Variants in KCNIP4 observed in about 807,000 individuals in gnomAD.
KCNIP4 encodes potassium voltage-gated channel interacting protein 4.
Under a neutral mutation model 34.0 loss-of-function variants are expected in KCNIP4, and 12 were observed. The ratio of observed to expected loss-of-function variants is 0.35; its 90% confidence interval spans 0.23 to 0.57. KCNIP4 has a LOEUF of 0.57. Among genes scored for constraint, KCNIP4 ranks in the 20% least tolerant of loss-of-function variants. The pLI is 0.83. For missense variants in KCNIP4, 238 were observed against 311.7 expected, an observed-to-expected ratio of 0.76 and a Z score of 1.78; for synonymous variants, 124 against 102.2, an observed-to-expected ratio of 1.21 and a Z score of -1.29.
At chr4:21,201,951 G>C (rs949029739) in intron 1 of KCNIP4, among the ~76,000 whole-genome samples, 3 of 152,080 alleles carry the variant, frequency 2.0e-5, no homozygotes, top group African/African-American at 7.2e-5. Flanking sequence ...TTATAAGGTA[G>C]GTAAAACTTT....
At chr4:21,121,548 T>G (rs1259351559) in intron 1 of KCNIP4, among the ~76,000 whole-genome samples, 1 of 152,230 alleles carries the variant, frequency 6.6e-6, no homozygotes, top group Non-Finnish European at 1.5e-5. Flanking sequence ...CAGCATCTTG[T>G]AATGAAGTCA....
chr4:21,907,074 C>T (rs1242909601), intron 1 of KCNIP4, among the ~76,000 whole-genome samples: 1 of 152,094 alleles, frequency 6.6e-6, no homozygotes, highest in South Asian at 2.1e-4. Flanking sequence ...AAGACTACTG[C>T]TATACTTTGA....
intron 1 of KCNIP4, among the ~76,000 whole-genome samples, chr4:21,025,657 C>T (rs928363253): frequency 1.4e-5 from 2 of 145,464 alleles, no homozygotes; most frequent in African/African-American, 5.1e-5. Context: ...GGGTTCACGC[C>T]ATTCTCCTGC....
At chr4:21,785,619 T>TAAAAA (rs1302125392) in intron 1 of KCNIP4, among the ~76,000 whole-genome samples, 1 of 122,468 alleles carries the variant, frequency 8.2e-6, no homozygotes, top group African/African-American at 4.6e-5. Context: ...ATAAATAAAA[T>TAAAAA]AAAAAAATAA....
intron 1 of KCNIP4, among the ~76,000 whole-genome samples, chr4:21,002,590 G>A (rs1738236575): frequency 6.6e-6 from 1 of 152,194 alleles, no homozygotes; most frequent in Non-Finnish European, 1.5e-5. Context: ...CAGCAATGCT[G>A]TTCGAAGTGT....
At chr4:21,604,932 T>G (rs1207037308) in intron 1 of KCNIP4, among the ~76,000 whole-genome samples, 6 of 152,182 alleles carry the variant, frequency 3.9e-5, no homozygotes, top group African/African-American at 7.2e-5. Flanking sequence ...GGTTTCCAAA[T>G]GTATTAGGAC....
intron 1 of KCNIP4, among the ~76,000 whole-genome samples, chr4:21,743,668 C>T (rs1293153529): frequency 6.6e-6 from 1 of 150,958 alleles, no homozygotes; most frequent in Admixed American, 6.6e-5. Flanking sequence ...GAGATGCATA[C>T]TTTCTCTTTT....
intron 1 of KCNIP4, among the ~76,000 whole-genome samples, chr4:21,551,693 A>T (rs536753100): frequency 1.0e-3 from 155 of 152,224 alleles, no homozygotes; most frequent in East Asian, 1.7e-3. Context: ...AGGATTAAAT[A>T]GCACATGTGA....
intron 1 of KCNIP4, among the ~76,000 whole-genome samples, chr4:21,861,182 A>G (rs958311224): frequency 6.6e-6 from 1 of 152,240 alleles, no homozygotes; most frequent in Non-Finnish European, 1.5e-5. Flanking sequence ...CAAATATTAC[A>G]AAGTATAACT....
intron 1 of KCNIP4, among the ~76,000 whole-genome samples, chr4:21,311,433 G>A (rs1713156667): frequency 6.6e-6 from 1 of 152,182 alleles, no homozygotes; most frequent in South Asian, 2.1e-4. Flanking sequence ...GAAACCACCT[G>A]TTATCCCAGC....
intron 1 of KCNIP4, among the ~76,000 whole-genome samples, chr4:21,857,302 G>A (rs549336708): frequency 6.6e-6 from 1 of 152,228 alleles, no homozygotes; most frequent in East Asian, 1.9e-4. Flanking sequence ...TCTCCTCTCT[G>A]CTGAGAACTA....
intron 1 of KCNIP4, among the ~76,000 whole-genome samples, chr4:21,713,155 C>G (rs1489496691): frequency 2.0e-5 from 3 of 152,070 alleles, no homozygotes; most frequent in Admixed American, 6.5e-5. Flanking sequence ...CCTAATGGAC[C>G]CACCCAATAA....
chr4:21,583,316 T>C (rs1445376032), intron 1 of KCNIP4, among the ~76,000 whole-genome samples: 1 of 151,906 alleles, frequency 6.6e-6, no homozygotes, highest in Non-Finnish European at 1.5e-5. Flanking sequence ...TTTGTGGATT[T>C]AGGAAGTTAT....
intron 1 of KCNIP4, among the ~76,000 whole-genome samples, chr4:21,688,730 T>C (rs1751005995): frequency 6.6e-6 from 1 of 152,056 alleles, no homozygotes; most frequent in South Asian, 2.1e-4. Flanking sequence ...GCTTGGCCAG[T>C]GGTTTCTGCA....
intron 1 of KCNIP4, among the ~76,000 whole-genome samples, chr4:21,073,997 A>G (rs1303834376): frequency 5.3e-5 from 8 of 152,192 alleles, no homozygotes; most frequent in Admixed American, 5.2e-4. Flanking sequence ...CCAGTTGATC[A>G]TGGTGGATAA....
intron 1 of KCNIP4, among the ~76,000 whole-genome samples, chr4:21,685,022 G>A (rs1428712989): frequency 7.9e-5 from 12 of 152,138 alleles, no homozygotes. Context: ...ACATTTTTGG[G>A]TAGGAAATAT....
intron 1 of KCNIP4, among the ~76,000 whole-genome samples, chr4:21,642,614 C>A (rs1577741560): frequency 6.6e-6 from 1 of 152,180 alleles, no homozygotes; most frequent in Middle Eastern, 3.4e-3. Context: ...CTTCCTGCTC[C>A]CATGACCTTA....
intron 1 of KCNIP4, among the ~76,000 whole-genome samples, chr4:21,075,845 A>C (rs755591878): frequency 2.0e-5 from 3 of 152,124 alleles, no homozygotes; most frequent in Non-Finnish European, 4.4e-5. Flanking sequence ...TGGTGACAAA[A>C]TCTCTCAGCA....
chr4:21,058,360 C>T (rs577433388), intron 1 of KCNIP4, among the ~76,000 whole-genome samples: 24 of 152,112 alleles, frequency 1.6e-4, no homozygotes, highest in Middle Eastern at 3.4e-3. Flanking sequence ...AAGTGATGGG[C>T]GCAAAGGAAG....
Sources: gnomAD v4.1 joint callset for allele counts (sites outside exome capture counted in the v4.1 genomes callset) on GRCh38, gnomAD v4.1.1 for gene constraint, MANE v1.5 for transcripts, NCBI Gene and HGNC (gene_info 2026-07-23, HGNC 2026-07-21) for gene names.